The following FNBP1L variants were observed in gnomAD, a reference collection of about 807,000 sequenced individuals.
The protein encoded by FNBP1L is formin binding protein 1 like, also known as formin-binding protein 1-like.
Under a neutral mutation model 91.2 loss-of-function variants are expected in FNBP1L, and 36 were observed. The observed-to-expected ratio is 0.39, with a 90% confidence interval of 0.30 to 0.52. The LOEUF is 0.52. FNBP1L is among the 20% of genes least tolerant of loss of function. The pLI is 0.66. For synonymous variants in FNBP1L, 242 were observed against 237.0 expected, an observed-to-expected ratio of 1.02 and a Z score of -0.19; for missense variants, 571 against 732.1, an observed-to-expected ratio of 0.78 and a Z score of 2.54.
At chr1:93,502,264 T>C (rs566527908) in intron 2 of FNBP1L, among the ~76,000 whole-genome samples, 129 of 152,342 alleles carry the variant, frequency 8.5e-4, no homozygotes, top group African/African-American at 3.0e-3. Flanking sequence ...GAAGGAACTT[T>C]TTATTTCATA....
At chr1:93,507,827 T>G (rs1185838350) in intron 2 of FNBP1L, among the ~76,000 whole-genome samples, 4 of 152,004 alleles carry the variant, frequency 2.6e-5, no homozygotes, top group Admixed American at 2.0e-4. Flanking sequence ...TTTTGTATTT[T>G]TAGTAGAGAC....
chr1:93,513,172 A>C (rs186099080), intron 2 of FNBP1L, among the ~76,000 whole-genome samples: 2,666 of 152,292 alleles, frequency 0.018, 41 homozygotes, highest in Non-Finnish European at 0.028. Flanking sequence ...AATCTAGAAG[A>C]AATGGATAAA....
intron 1 of FNBP1L, among the ~76,000 whole-genome samples, chr1:93,462,598 G>A (rs1668910885): frequency 6.6e-6 from 1 of 152,024 alleles, no homozygotes; most frequent in Non-Finnish European, 1.5e-5. Flanking sequence ...AAAATTTTGA[G>A]GAGTACTGGT....
At chr1:93,484,078 G>A (rs991986023) in intron 1 of FNBP1L, among the ~76,000 whole-genome samples, 3 of 152,130 alleles carry the variant, frequency 2.0e-5, no homozygotes, top group African/African-American at 7.2e-5. Flanking sequence ...ACAGGCGTGC[G>A]CCACCATGCC....
intron 1 of FNBP1L, among the ~76,000 whole-genome samples, chr1:93,476,679 G>T (rs1409616168): frequency 6.6e-6 from 1 of 152,082 alleles, no homozygotes; most frequent in African/African-American, 2.4e-5. Flanking sequence ...ATGGTTAGGA[G>T]ATAATAGGTG....
In FNBP1L at chr1:93,542,443, G is replaced by GAAAAAAAA. The variant is rs61650755; in HGVS notation, c.1164+1403_1164+1410dup. On this transcript the variant is annotated intron_variant, in intron 11 of 16. Coordinates refer to ENST00000271234, the MANE Select transcript of FNBP1L (RefSeq NM_001164473.3). ...TCCTTGTTTCTGGTGATTGGTAAAT[G>GAAAAAAAA]AAAAAAAAAAAAAAAAAAAAAAAGC... Among the ~76,000 whole-genome samples the GAAAAAAAA allele has an allele frequency of 1.0e-3, 86 of 82,352 alleles. 1 individual carries two copies. The highest frequency in any genetic ancestry group is 2.5e-3 in the East Asian group (6 of 2,424). 54.0% of individuals were successfully genotyped at this position (82,352 alleles called of 152,430 possible). A position where few individuals can be genotyped will look rare whatever the true frequency, so the allele number is the denominator to read the frequency against.
At chr1:93,458,417 A>T (rs1668747690) in intron 1 of FNBP1L, among the ~76,000 whole-genome samples, 1 of 152,208 alleles carries the variant, frequency 6.6e-6, no homozygotes, top group African/African-American at 2.4e-5. Flanking sequence ...GGCATGAGCT[A>T]CCGTGCCCAG....
intron 2 of FNBP1L, among the ~76,000 whole-genome samples, chr1:93,519,748 G>C (rs954148319): frequency 2.0e-5 from 3 of 152,174 alleles, no homozygotes; most frequent in Non-Finnish European, 2.9e-5. Flanking sequence ...CCAGGAGTTT[G>C]AGACCAGCTT....
intron 2 of FNBP1L, among the ~76,000 whole-genome samples, chr1:93,507,003 TAA>T (rs551782224): frequency 6.7e-6 from 1 of 148,648 alleles, no homozygotes; most frequent in Non-Finnish European, 1.5e-5. Context: ...GGAACAACAT[TAA>T]TTTCTTTTGT....
intron 1 of FNBP1L, among the ~76,000 whole-genome samples, chr1:93,494,371 T>C (rs1016190261): frequency 6.6e-6 from 1 of 152,086 alleles, no homozygotes; most frequent in Non-Finnish European, 1.5e-5. Context: ...TCCAAATCCA[T>C]GGTTTAGGGT....
At chr1:93,531,952 T>C (rs1029804554) in intron 7 of FNBP1L, among the ~76,000 whole-genome samples, 2 of 152,198 alleles carry the variant, frequency 1.3e-5, no homozygotes, top group Admixed American at 1.3e-4. Flanking sequence ...TATTGGACTT[T>C]ATGTGTTCCA....
intron 1 of FNBP1L, among the ~76,000 whole-genome samples, chr1:93,448,904 T>C (rs6688111): frequency 0.2 from 29,738 of 152,068 alleles, 5,133 homozygotes; most frequent in African/African-American, 0.47. Context: ...CGCACATTTC[T>C]CTCTCCCTGC....
At position 93,466,656 on chromosome 1, in the gene FNBP1L, T is replaced by C. The variant is rs1669090513; in HGVS notation, c.24+18351T>C. Among the ~76,000 whole-genome samples the C allele has an allele frequency of 3.3e-5, 5 of 152,160 alleles. No individual in the cohort carries two copies. The South Asian group carries it at 1.0e-3, about 32-fold the overall frequency. ...AGCGTCATGCCTCCAGCTTTGTTCTTTTTGCTTAGGATTGTCTTGGCTGTG... is the reference window on the plus strand; with the variant it reads ...AGCGTCATGCCTCCAGCTTTGTTCTCTTTGCTTAGGATTGTCTTGGCTGTG... On this transcript the variant is annotated intron_variant, in intron 1 of 16. Transcript: ENST00000271234.
At chr1:93,450,971 AGTT>A (rs1347854264) in intron 1 of FNBP1L, among the ~76,000 whole-genome samples, 1 of 152,192 alleles carries the variant, frequency 6.6e-6, no homozygotes, top group Non-Finnish European at 1.5e-5. Flanking sequence ...TTGGTTGCGT[AGTT>A]GTTAGGGGAT....
chr1:93,448,159 G>T lies in FNBP1L; in HGVS notation c.-123G>T. ...CTCACTGGGGAGCCCGGCGGTGGCG[G>T]CACCTTTCGAGGTAGACCCGCTGAG... On this transcript the variant is annotated 5_prime_UTR_variant, in exon 1 of 17. Coordinates refer to ENST00000271234, the MANE Select transcript of FNBP1L (RefSeq NM_001164473.3). 1 of 1,266,252 alleles carries T rather than the reference G, an allele frequency of 7.9e-7. No homozygotes were observed. The allele number at this position is 1,266,252 out of a possible 1,614,324, so 78.4% of individuals were successfully genotyped here. A position where few individuals can be genotyped will look rare whatever the true frequency, so the allele number is the denominator to read the frequency against.
chr1:93,452,251 A>G (rs1050987777), intron 1 of FNBP1L, among the ~76,000 whole-genome samples: 1 of 152,212 alleles, frequency 6.6e-6, no homozygotes, highest in Non-Finnish European at 1.5e-5. Context: ...TGATTGCATT[A>G]CCCAGAGTAT....
At chr1:93,485,244 T>C (rs1415768625) in intron 1 of FNBP1L, among the ~76,000 whole-genome samples, 5 of 151,970 alleles carry the variant, frequency 3.3e-5, no homozygotes, top group African/African-American at 1.2e-4. Flanking sequence ...GATGGGAAGA[T>C]GGCTCATATA....
chr1:93,471,930 G>T (rs1669301154), intron 1 of FNBP1L, among the ~76,000 whole-genome samples: 1 of 152,280 alleles, frequency 6.6e-6, no homozygotes, highest in South Asian at 2.1e-4. Context: ...TGGGTGGGCA[G>T]CAGTTTATAG....
chr1:93,548,524 T>G (rs1672310911), intron 14 of FNBP1L, among the ~76,000 whole-genome samples: 2 of 152,194 alleles, frequency 1.3e-5, no homozygotes, highest in Admixed American at 1.3e-4. Flanking sequence ...AATCTTTTAA[T>G]TTTCAGTGAC....
Sources: gnomAD v4.1 joint callset for allele counts (sites outside exome capture counted in the v4.1 genomes callset) on GRCh38, gnomAD v4.1.1 for gene constraint, MANE v1.5 for transcripts, NCBI Gene and HGNC (gene_info 2026-07-23, HGNC 2026-07-21) for gene names.